Variants in GRIN2B observed in about 807,000 individuals in gnomAD.
The protein encoded by GRIN2B is glutamate receptor ionotropic, NMDA 2B.
In GRIN2B, 5 loss-of-function variants were observed where a neutral mutation model predicts 114.5. The ratio of observed to expected loss-of-function variants is 0.04; its 90% CI spans 0.02 to 0.09. The LOEUF is 0.09. Among genes scored for constraint, GRIN2B ranks in the 10% least tolerant of loss-of-function variants. The pLI, the probability that GRIN2B is intolerant of heterozygous loss-of-function variation, is 1.00. For missense variants in GRIN2B, 1,108 were observed against 1,943.5 expected (o/e 0.57, Z 8.08); for synonymous variants, 787 against 745.1 (o/e 1.06, Z -0.92).
intron 5 of GRIN2B, among the ~76,000 whole-genome samples, chr12:13,623,191 T>C (rs1251612457): frequency 1.3e-5 from 2 of 152,240 alleles, no homozygotes; most frequent in African/African-American, 4.8e-5. Context: ...AAGAACTGCA[T>C]AGTAGCCTAT....
At chr12:13,779,639 T>C (rs1258636970) in intron 3 of GRIN2B, among the ~76,000 whole-genome samples, 2 of 152,224 alleles carry the variant, frequency 1.3e-5, no homozygotes, top group East Asian at 3.9e-4. Flanking sequence ...ATAAACCCTT[T>C]AATTCCTAGT....
intron 2 of GRIN2B, among the ~76,000 whole-genome samples, chr12:13,895,122 G>C (rs1275695991): frequency 6.6e-6 from 1 of 152,170 alleles, no homozygotes; most frequent in Admixed American, 6.5e-5. Flanking sequence ...ACTAAGACTT[G>C]AATGGTTTGA....
chr12:13,623,921 T>C (rs563766643), intron 5 of GRIN2B, among the ~76,000 whole-genome samples: 51 of 152,358 alleles, frequency 3.3e-4, no homozygotes, highest in African/African-American at 1.1e-3. Context: ...CTATACTACA[T>C]GTGACAGAGA....
At chr12:13,768,813 T>A (rs760841530) in intron 3 of GRIN2B, among the ~76,000 whole-genome samples, 1 of 152,082 alleles carries the variant, frequency 6.6e-6, no homozygotes, top group Non-Finnish European at 1.5e-5. Context: ...GGCGGGAGGA[T>A]CATGAAGTCA....
Position 13,766,586 on chromosome 12 carries a change from A to G in GRIN2B, c.412-12671T>C, listed in dbSNP as rs1162385157. 2.6e-5 allele frequency among the ~76,000 whole-genome samples: 4 copies of G among 152,230 alleles called. No individual in the cohort carries two copies. In the East Asian group the frequency reaches 7.7e-4, roughly 29 times the overall value. ...AGAGTATCACGTCCAAATCACAGCT[A>G]CAGTCTAAATGAATTATACATATCT... is the stretch of plus-strand genomic sequence containing the variant. On this transcript the variant is annotated intron_variant, in intron 3 of 13. Transcript: ENST00000609686.
intron 3 of GRIN2B, among the ~76,000 whole-genome samples, chr12:13,794,038 CA>C (rs59335663): frequency 0.064 from 5,105 of 79,412 alleles, 107 homozygotes; most frequent in Non-Finnish European, 0.087. Flanking sequence ...CCCATCTCTA[CA>C]AAAAAAAAAA....
chr12:13,580,915 G>A (rs141405972), intron 10 of GRIN2B, among the ~76,000 whole-genome samples: 2 of 152,242 alleles, frequency 1.3e-5, no homozygotes, highest in African/African-American at 2.4e-5. Flanking sequence ...ATGGAATCCT[G>A]TAGTACATAA....
At chr12:13,863,509 T>C (rs1397810355) in intron 3 of GRIN2B, among the ~76,000 whole-genome samples, 1 of 152,218 alleles carries the variant, frequency 6.6e-6, no homozygotes, top group African/African-American at 2.4e-5. Flanking sequence ...TTTGGATATG[T>C]TACTTAACCT....
intron 3 of GRIN2B, among the ~76,000 whole-genome samples, chr12:13,781,034 T>A (rs17833902): frequency 0.067 from 10,217 of 152,278 alleles, 459 homozygotes; most frequent in Non-Finnish European, 0.1. Context: ...AAGTTCCTTA[T>A]GTAGTTCTGG....
At chr12:13,789,542 T>A (rs1317795637) in intron 3 of GRIN2B, among the ~76,000 whole-genome samples, 1 of 152,046 alleles carries the variant, frequency 6.6e-6, no homozygotes, top group African/African-American at 2.4e-5. Context: ...CAAGATCAGT[T>A]TTTTTTTAGT....
chr12:13,936,688 G>T (rs219897), intron 2 of GRIN2B, among the ~76,000 whole-genome samples: 4,457 of 152,148 alleles, frequency 0.029, 230 homozygotes, highest in African/African-American at 0.1. Context: ...AAAGAAAATG[G>T]AAAATGTGAC....
chr12:13,584,780 T>C (rs1805488), intron 10 of GRIN2B, among the ~76,000 whole-genome samples: 4,821 of 152,306 alleles, frequency 0.032, 106 homozygotes, highest in Non-Finnish European at 0.048. Flanking sequence ...AACATGGAGA[T>C]GAAGTGAAAC....
intron 5 of GRIN2B, among the ~76,000 whole-genome samples, chr12:13,637,806 C>T (rs1014136500): frequency 6.6e-6 from 1 of 152,152 alleles, no homozygotes; most frequent in African/African-American, 2.4e-5. Context: ...CCTACTATTT[C>T]AGCATTCTTC....
intron 3 of GRIN2B, among the ~76,000 whole-genome samples, chr12:13,760,297 C>T (rs546335510): frequency 2.6e-5 from 4 of 152,310 alleles, no homozygotes; most frequent in Admixed American, 2.6e-4. Flanking sequence ...GAATTGAGGT[C>T]TGGCCCATAG....
At chr12:13,633,993 A>G in intron 5 of GRIN2B, among the ~76,000 whole-genome samples, 1 of 152,184 alleles carries the variant, frequency 6.6e-6, no homozygotes, top group East Asian at 1.9e-4. Context: ...AATGTGTGTC[A>G]CACTTCGTTG....
chr12:13,723,125 C>T lies in GRIN2B; in HGVS notation c.1010+30192G>A, dbSNP rs945821775. On this transcript the variant is annotated intron_variant, in intron 4 of 13. Coordinates refer to ENST00000609686, the MANE Select transcript of GRIN2B (RefSeq NM_000834.5). ...CTGAAAGGGAGCCTCTGAATAAATG[C>T]TTACACCTTTTTTTTTTGTTTTTTA... Among the ~76,000 whole-genome samples the T allele has an allele frequency of 3.0e-5, 4 of 135,344 alleles. 1 individual carries two copies. Among genetic ancestry groups the T allele is most frequent in the African/African-American group, 1.1e-4 (4 of 36,056 alleles). The allele number at this position is 135,344 out of a possible 152,430, so 88.8% of individuals were successfully genotyped here. A position where few individuals can be genotyped will look rare whatever the true frequency, so the allele number is the denominator to read the frequency against.
In GRIN2B at chr12:13,540,225, G is replaced by T. The variant is rs1948259651; in HGVS notation, c.*22558C>A. 6.6e-6 allele frequency: 1 copy of T among 152,124 alleles called. No homozygotes were observed. Among genetic ancestry groups the T allele is most frequent in the Non-Finnish European group, 1.5e-5 (1 of 68,024 alleles). The allele number at this position is 152,124 out of a possible 1,614,324, so 9.4% of individuals were successfully genotyped here. ...GCACAAAGACCAAGAAAAAAACTCT[G>T]ATTCTGGATTTTTTTTAACCCTGAT... On this transcript the variant is annotated 3_prime_UTR_variant, in exon 14 of 14. Coordinates refer to ENST00000609686, the MANE Select transcript of GRIN2B (RefSeq NM_000834.5).
At chr12:13,965,222 A>T (rs1363708715) in intron 2 of GRIN2B, among the ~76,000 whole-genome samples, 2 of 152,182 alleles carry the variant, frequency 1.3e-5, no homozygotes, top group Non-Finnish European at 1.5e-5. Flanking sequence ...AGTCATTTTG[A>T]GGGTTCCTAG....
intron 9 of GRIN2B, among the ~76,000 whole-genome samples, chr12:13,611,296 T>C (rs1413775019): frequency 6.6e-6 from 1 of 152,194 alleles, no homozygotes; most frequent in Non-Finnish European, 1.5e-5. Flanking sequence ...ACTGGGGAAC[T>C]CAACCAGCCA....
Sources: gnomAD v4.1 joint callset for allele counts (sites outside exome capture counted in the v4.1 genomes callset) on GRCh38, gnomAD v4.1.1 for gene constraint, MANE v1.5 for transcripts, NCBI Gene and HGNC (gene_info 2026-07-23, HGNC 2026-07-21) for gene names.